CDC25B: variants seen among roughly 807,000 people sequenced by gnomAD.
The protein encoded by CDC25B is cell division cycle 25B.
CDC25B carries 33 observed loss-of-function variants against 69.8 expected under a neutral mutation model. That is an observed-to-expected ratio of 0.47 (90% confidence interval 0.36 to 0.63). The LOEUF (loss-of-function observed/expected upper bound fraction) is 0.63, where lower values mean the gene tolerates loss of function less well. Among genes scored for constraint, CDC25B ranks in the 30% least tolerant of loss-of-function variants. The pLI, the probability that CDC25B is intolerant of heterozygous loss-of-function variation, is 0.00. For missense variants in CDC25B, 727 were observed against 809.1 expected, an observed-to-expected ratio of 0.90 and a Z score of 1.23; for synonymous variants, 341 against 314.6, an observed-to-expected ratio of 1.08 and a Z score of -0.89.
Position 3,802,288 on chromosome 20 carries a change from G to A in CDC25B, c.1106G>A (p.Arg369His), listed in dbSNP as rs746480347. The change falls in exon 11 of 16, where the codon CGC becomes CAC. Residue 369 changes from arginine (R) to histidine (H), a missense_variant. By Grantham distance (29) the Arg-to-His change is conservative (BLOSUM62 0). Transcript: ENST00000245960. ...ATCTGACTCACTTTCCAGAAAGCCCGCGTCCTCCGCTCAAAATCACTGTGT... is the reference window on the plus strand; with the variant it reads ...ATCTGACTCACTTTCCAGAAAGCCCACGTCCTCCGCTCAAAATCACTGTGT... ...EQQEAEEPKA[R>H]VLRSKSLCHD... 45 of 1,610,668 alleles carry A rather than the reference G, an allele frequency of 2.8e-5. No individual in the cohort carries two copies. Among genetic ancestry groups the A allele is most frequent in the South Asian group, 2.3e-4 (21 of 91,066 alleles).
chr20:3,789,295 C>A (rs1177953419), intron 1 of CDC25B, among the ~76,000 whole-genome samples: 5 of 152,202 alleles, frequency 3.3e-5, no homozygotes, highest in Non-Finnish European at 7.3e-5. Flanking sequence ...AGTACAGTTG[C>A]ACGATCATAG....
rs1010608 is a variant in CDC25B at position 3,803,946 on chromosome 20, G to A, written c.1490+409G>A. Among the ~76,000 whole-genome samples, 37,636 of 152,100 alleles carry A rather than the reference G, an allele frequency of 0.25. 4,719 individuals are homozygous for A. The highest frequency in any genetic ancestry group is 0.34 in the East Asian group (1,772 of 5,160). ...CCTCCCTGGCTGAGCTCCTTCTGTC[G>A]CTATTCCTGTTCTGCCTGGCCATCT... On this transcript the variant is annotated intron_variant, in intron 14 of 15. Coordinates refer to ENST00000245960, the MANE Select transcript of CDC25B (RefSeq NM_021873.4). The surrounding 1 kb of genome is among the most constrained non-coding windows in gnomAD (Gnocchi z 4.9).
intron 1 of CDC25B, among the ~76,000 whole-genome samples, chr20:3,787,320 C>T (rs1003317446): frequency 6.6e-6 from 1 of 152,174 alleles, no homozygotes; most frequent in Admixed American, 6.5e-5. Flanking sequence ...ATTGCCAACA[C>T]GCTTTTTAAT....
chr20:3,797,489 TC>T, intron 1 of CDC25B, 132 bp from the exon 2 acceptor site: 1 of 1,195,888 alleles, frequency 8.4e-7, no homozygotes, highest in Non-Finnish European at 1.2e-6. Flanking sequence ...GAGGGGGCCC[TC>T]AGGGCCATTG....
intron 15 of CDC25B, 65 bp from the exon 16 acceptor site, chr20:3,804,756 G>T: frequency 1.3e-6 from 2 of 1,591,532 alleles, no homozygotes; most frequent in South Asian, 2.2e-5. Context: ...GATGGGGGGT[G>T]GGAGGGTTGG....
upstream of CDC25B, chr20:3,796,206 T>G: frequency 2.7e-6 from 3 of 1,101,582 alleles, no homozygotes; most frequent in African/African-American, 1.7e-5. Flanking sequence ...GGCCCCGCCC[T>G]CAGTCCCGCC....
chr20:3,802,951 C>T lies in CDC25B; in HGVS notation c.1236C>T (p.Leu412=). ...CAGTAGACGGAAAGCACCAAGACCT[C>T]AAGTACATCTCACCAGAAACGGTAA... ...LQTVDGKHQD[L]KYISPETMVA... Residue 412 remains leucine (L), a synonymous_variant, in exon 12 of 16, where the codon CTC becomes CTT. Transcript: ENST00000245960. The T allele has an allele frequency of 6.2e-7, 1 of 1,614,064 alleles. No homozygotes were observed. The highest frequency in any genetic ancestry group is 8.5e-7 in the Non-Finnish European group (1 of 1,179,922).
chr20:3,801,161 C>T (rs567522806), intron 7 of CDC25B, 68 bp downstream of exon 7: 1 of 1,606,614 alleles, frequency 6.2e-7, no homozygotes, highest in African/African-American at 1.3e-5. Context: ...GAGGGTGGCC[C>T]TGAACCCCCA....
intron 7 of CDC25B, 51 bp from the exon 8 acceptor site, chr20:3,801,203 G>A: frequency 1.9e-6 from 3 of 1,604,848 alleles, no homozygotes; most frequent in Non-Finnish European, 2.6e-6. Context: ...GGAGGATGGG[G>A]GCGGGAACTA....
chr20:3,797,487 C>T, intron 1 of CDC25B, 135 bp from the exon 2 acceptor site: 4 of 1,152,542 alleles, frequency 3.5e-6, no homozygotes, highest in Non-Finnish European at 3.7e-6. Context: ...AAGAGGGGGC[C>T]CTCAGGGCCA....
At chr20:3,804,297 T>C (rs1016684061) in intron 14 of CDC25B, among the ~76,000 whole-genome samples, 1 of 152,228 alleles carries the variant, frequency 6.6e-6, no homozygotes, top group African/African-American at 2.4e-5. Context: ...TCTCCTTTCC[T>C]GGTCCAGGCA....
intron 1 of CDC25B, among the ~76,000 whole-genome samples, chr20:3,790,744 A>G (rs981189364): frequency 6.6e-6 from 1 of 151,632 alleles, no homozygotes; most frequent in Non-Finnish European, 1.5e-5. Context: ...TAATTTTTGT[A>G]TTTTTAGTAG....
chr20:3,805,601 T>C lies in CDC25B; in HGVS notation c.*640T>C, dbSNP rs2089450356. On this transcript the variant is annotated 3_prime_UTR_variant, in exon 16 of 16. Transcript: ENST00000245960. Reference sequence around the variant, plus strand: ...CATCTCAGGACACTTCCGTAGACTGTTTAGGTTCCCCTGTCAAATATCAGT... The same window carrying C: ...CATCTCAGGACACTTCCGTAGACTGCTTAGGTTCCCCTGTCAAATATCAGT... 1.3e-5 allele frequency: 5 copies of C among 397,102 alleles called. No individual in the cohort carries two copies. Among genetic ancestry groups the C allele is most frequent in the Middle Eastern group, 6.2e-4 (1 of 1,604 alleles). 24.6% of individuals were successfully genotyped at this position (397,102 alleles called of 1,614,324 possible). A position where few individuals can be genotyped will look rare whatever the true frequency, so the allele number is the denominator to read the frequency against.
upstream of CDC25B, among the ~76,000 whole-genome samples, chr20:3,792,197 A>G (rs1484753062): frequency 1.3e-5 from 2 of 152,224 alleles, no homozygotes; most frequent in African/African-American, 4.8e-5. Context: ...TACAGGTGTG[A>G]GCCAGCATGC....
At position 3,799,530 on chromosome 20, in the gene CDC25B, G is replaced by A. The variant is rs113440001; in HGVS notation, c.381-758G>A. 3.4e-3 allele frequency among the ~76,000 whole-genome samples: 508 copies of A among 150,076 alleles called. 1 individual carries two copies. Among genetic ancestry groups the A allele is most frequent in the African/African-American group, 9.8e-3 (393 of 40,254 alleles). ...TGTGTGTGTGTGTGTGTGTGTGCGCGCGCGCGCGTAGATGCACAAAAGCTC... is the reference window on the plus strand; with the variant it reads ...TGTGTGTGTGTGTGTGTGTGTGCGCACGCGCGCGTAGATGCACAAAAGCTC... On this transcript the variant is annotated intron_variant, in intron 3 of 15. Transcript: ENST00000245960.
intron 1 of CDC25B, among the ~76,000 whole-genome samples, chr20:3,788,290 G>A (rs773734724): frequency 1.2e-4 from 18 of 152,184 alleles, no homozygotes; most frequent in South Asian, 2.1e-4. Context: ...TTCTGTTTTC[G>A]TATGTTTCTT....
chr20:3,800,248 G>C (rs757816172), intron 3 of CDC25B, 40 bp from the exon 4 acceptor site: 1 of 1,607,606 alleles, frequency 6.2e-7, no homozygotes, highest in Non-Finnish European at 8.5e-7. Context: ...TGATGGGTGC[G>C]GAGGGAGCAT....
rs2089260950 is a variant in CDC25B, at chr20:3,800,974, G to A, written c.586G>A (p.Gly196Arg). 4.3e-6 allele frequency: 7 copies of A among 1,613,990 alleles called. No individual in the cohort carries two copies. The highest frequency in any genetic ancestry group is 5.9e-6 in the Non-Finnish European group (7 of 1,179,884). Residue 196 changes from glycine to arginine, a missense_variant, in exon 7 of 16, where the codon GGA becomes AGA. Gly to Arg is a moderately radical substitution (Grantham distance 125, BLOSUM62 -2). This residue lies in a region of CDC25B where 368 missense variants were observed against 345.6 expected (regional missense o/e 1.06). Transcript: ENST00000245960. Reference sequence around the variant, plus strand: ...TCCTCTCCCATCTTGGCTGCAGGATGGATTTGTCTTCAAGATGCCATGGAA... The same window carrying A: ...TCCTCTCCCATCTTGGCTGCAGGATAGATTTGTCTTCAAGATGCCATGGAA... The part of the protein sequence containing the change: ...SSSGEDKEND[G>R]FVFKMPWKPT...
At position 3,787,141 on chromosome 20, in the gene CDC25B, T is replaced by C. The variant is rs778512262; in HGVS notation, c.8+2T>C. ...CACGTCACCTGGAGAGATGCACAGG[T>C]AACATTTTGATACATTTCCTTCCAG... On this transcript the variant is annotated splice_donor_variant, in intron 1 of 15. Transcript: ENST00000344256. LOFTEE classifies it high-confidence loss of function. The C allele has an allele frequency of 6.0e-6, 4 of 664,870 alleles. No individual in the cohort carries two copies. The highest frequency in any genetic ancestry group is 5.1e-5 in the South Asian group (3 of 58,860). 41.2% of individuals were successfully genotyped at this position (664,870 alleles called of 1,614,324 possible).
Sources: allele counts gnomAD v4.1 joint callset (sites outside exome capture counted in the v4.1 genomes callset), GRCh38; gene constraint gnomAD v4.1.1; regional missense constraint gnomAD v4.1.1; non-coding constraint Gnocchi (gnomAD v3.1); transcripts MANE v1.5; gene names NCBI Gene and HGNC (gene_info 2026-07-23, HGNC 2026-07-21).